Variants in MARCHF1 observed in about 807,000 individuals in gnomAD.
MARCHF1 encodes membrane associated ring-CH-type finger 1, also known as E3 ubiquitin-protein ligase MARCHF1.
MARCHF1 carries 40 observed loss-of-function variants against 54.2 expected under a neutral mutation model. The ratio of observed to expected loss-of-function variants is 0.74; its 90% CI spans 0.57 to 0.96. The LOEUF (loss-of-function observed/expected upper bound fraction) is 0.96. Ranked by LOEUF, MARCHF1 falls within the 40% of genes least tolerant of loss-of-function variation. The probability of loss-of-function intolerance (pLI) is 0.00; values close to 1 mark genes in which losing one functional copy is unlikely to be tolerated. For missense variants in MARCHF1, 586 were observed against 656.5 expected (o/e 0.89, Z 1.17); for synonymous variants, 236 against 236.3 (o/e 1.00, Z 0.01).
intron 3 of MARCHF1, among the ~76,000 whole-genome samples, chr4:163,934,558 C>T (rs1182955786): frequency 8.8e-6 from 1 of 113,798 alleles, no homozygotes; most frequent in Admixed American, 1.1e-4. Flanking sequence ...GATTCCATCT[C>T]TAAAAACTCT....
intron 1 of MARCHF1, among the ~76,000 whole-genome samples, chr4:164,146,209 G>A (rs200657403): frequency 0.17 from 24,032 of 142,934 alleles, 3,159 homozygotes; most frequent in African/African-American, 0.38. Flanking sequence ...CATGCTCATG[G>A]GTAGGAAGAA....
chr4:164,075,104 G>C (rs1424599730), intron 2 of MARCHF1, among the ~76,000 whole-genome samples: 1 of 152,162 alleles, frequency 6.6e-6, no homozygotes, highest in African/African-American at 2.4e-5. Flanking sequence ...AGCAGCCTCT[G>C]TTATCTCAGG....
chr4:163,926,277 C>T (rs1304950336), intron 3 of MARCHF1, among the ~76,000 whole-genome samples: 2 of 151,658 alleles, frequency 1.3e-5, no homozygotes, highest in Admixed American at 1.3e-4. Flanking sequence ...TGACTGGCTG[C>T]TTTCACTTAA....
intron 1 of MARCHF1, among the ~76,000 whole-genome samples, chr4:164,186,978 A>G (rs905900686): frequency 2.0e-5 from 3 of 152,114 alleles, no homozygotes; most frequent in African/African-American, 7.2e-5. Context: ...ATTAAAAGCA[A>G]TATGACTTGA....
At chr4:163,701,332 TA>T (rs1362512556) in intron 4 of MARCHF1, among the ~76,000 whole-genome samples, 2 of 152,168 alleles carry the variant, frequency 1.3e-5, no homozygotes, top group Non-Finnish European at 2.9e-5. Context: ...TATTTTTTGT[TA>T]TTTTACATAC....
chr4:163,618,315 G>T (rs1741578443), intron 5 of MARCHF1, among the ~76,000 whole-genome samples: 1 of 152,014 alleles, frequency 6.6e-6, no homozygotes, highest in East Asian at 1.9e-4. Context: ...CTTTTGCTTG[G>T]CTGCACACAG....
intron 1 of MARCHF1, among the ~76,000 whole-genome samples, chr4:164,354,459 A>G (rs960922606): frequency 1.1e-4 from 15 of 132,676 alleles, no homozygotes; most frequent in Middle Eastern, 3.7e-3. Flanking sequence ...CTGGTTCAAT[A>G]TACGCAAATC....
At chr4:163,972,823 C>T (rs997196818) in intron 3 of MARCHF1, among the ~76,000 whole-genome samples, 1 of 151,730 alleles carries the variant, frequency 6.6e-6, no homozygotes, top group African/African-American at 2.4e-5. Context: ...TCCCAAAGTG[C>T]TGGGATTACA....
At chr4:164,233,569 A>AC (rs1405190325) in intron 1 of MARCHF1, among the ~76,000 whole-genome samples, 1 of 152,130 alleles carries the variant, frequency 6.6e-6, no homozygotes, top group African/African-American at 2.4e-5. Context: ...CTCTAGGCCA[A>AC]CCACGGGACA....
rs145923871 is a variant in MARCHF1, at chr4:164,097,909, C to T, written c.-248+13679G>A. Among the ~76,000 whole-genome samples, 134 of 152,258 alleles carry T rather than the reference C, an allele frequency of 8.8e-4. 1 individual carries two copies. In the East Asian group the frequency reaches 0.02, roughly 23 times the overall value. On this transcript the variant is annotated intron_variant, in intron 2 of 9. Coordinates refer to ENST00000514618, the MANE Select transcript of MARCHF1 (RefSeq NM_001394959.1). ...GTCATACTCATCGCAGTTTATCTTC[C>T]GGCTGGCTTCATGGTGGAACACAGA...
At chr4:164,310,515 G>GA (rs1310537850) in intron 1 of MARCHF1, among the ~76,000 whole-genome samples, 1 of 145,160 alleles carries the variant, frequency 6.9e-6, no homozygotes, top group Non-Finnish European at 1.5e-5. Flanking sequence ...ACTACTAGGA[G>GA]AAAAAAATCA....
At chr4:163,918,359 T>G (rs964505960) in intron 3 of MARCHF1, among the ~76,000 whole-genome samples, 5 of 152,202 alleles carry the variant, frequency 3.3e-5, no homozygotes, top group Non-Finnish European at 7.4e-5. Flanking sequence ...GTCTGTTGTT[T>G]GTCTTCTCAT....
intron 1 of MARCHF1, among the ~76,000 whole-genome samples, chr4:164,305,768 T>G (rs1368780284): frequency 6.6e-6 from 1 of 152,098 alleles, no homozygotes; most frequent in Non-Finnish European, 1.5e-5. Flanking sequence ...TTTTGAATGA[T>G]CACAACATAA....
intron 1 of MARCHF1, among the ~76,000 whole-genome samples, chr4:164,192,721 A>C (rs928797448): frequency 1.3e-5 from 2 of 152,220 alleles, no homozygotes; most frequent in Non-Finnish European, 2.9e-5. Flanking sequence ...AAATCATAAA[A>C]GTTAAAAGTA....
intron 8 of MARCHF1, among the ~76,000 whole-genome samples, chr4:163,555,311 A>C (rs2110955544): frequency 6.6e-6 from 1 of 152,194 alleles, no homozygotes; most frequent in East Asian, 1.9e-4. Context: ...TTTGACAATT[A>C]CTTCCCTAAG....
At chr4:164,331,415 T>C (rs77934692) in intron 1 of MARCHF1, among the ~76,000 whole-genome samples, 2,288 of 152,312 alleles carry the variant, frequency 0.015, 81 homozygotes, top group East Asian at 0.13. Context: ...AGAGAAATAA[T>C]GTAATTGTAC....
chr4:163,651,525 CTTTTTT>C (rs66848288), intron 5 of MARCHF1, among the ~76,000 whole-genome samples: 11,827 of 131,020 alleles, frequency 0.09, 531 homozygotes, highest in South Asian at 0.12. Context: ...AAGTACCATA[CTTTTTT>C]TTTTTTTTTT....
intron 2 of MARCHF1, among the ~76,000 whole-genome samples, chr4:164,096,871 G>A (rs1755425633): frequency 6.6e-6 from 1 of 152,096 alleles, no homozygotes; most frequent in Non-Finnish European, 1.5e-5. Context: ...AACATTTAGT[G>A]ACTGATGCTC....
intron 4 of MARCHF1, among the ~76,000 whole-genome samples, chr4:163,791,105 C>T (rs1216390093): frequency 1.3e-5 from 2 of 152,020 alleles, no homozygotes; most frequent in African/African-American, 4.8e-5. Flanking sequence ...TCCAAGGGCA[C>T]AGTAAAGAAA....
Sources: gnomAD v4.1 joint callset for allele counts (sites outside exome capture counted in the v4.1 genomes callset) on GRCh38, gnomAD v4.1.1 for gene constraint, MANE v1.5 for transcripts, NCBI Gene and HGNC (gene_info 2026-07-23, HGNC 2026-07-21) for gene names.